The following CEP128 variants were observed in gnomAD, a reference collection of about 807,000 sequenced individuals.
CEP128 encodes the protein centrosomal protein 128kDa.
In CEP128, 132 loss-of-function variants were observed where a neutral mutation model predicts 156.7. The ratio of observed to expected loss-of-function variants is 0.84; its 90% CI spans 0.73 to 0.97. The LOEUF (loss-of-function observed/expected upper bound fraction) is 0.97. CEP128 is among the 50% of genes least tolerant of loss of function. The pLI, the probability that CEP128 is intolerant of heterozygous loss-of-function variation, is 0.00. For synonymous variants in CEP128, 469 were observed against 448.9 expected, an observed-to-expected ratio of 1.04 and a Z score of -0.57; for missense variants, 1,252 against 1,281.9, an observed-to-expected ratio of 0.98 and a Z score of 0.36.
intron 19 of CEP128, among the ~76,000 whole-genome samples, chr14:80,640,465 A>G (rs888542218): frequency 6.6e-6 from 1 of 152,180 alleles, no homozygotes; most frequent in African/African-American, 2.4e-5. Flanking sequence ...AGTCCAATGG[A>G]CATTTTAAAT....
rs982676366 is a variant in CEP128 at position 80,642,814 on chromosome 14, G to A, written c.2807-62391C>T. Among the ~76,000 whole-genome samples, 23 of 151,214 alleles carry A rather than the reference G, an allele frequency of 1.5e-4. No individual in the cohort carries two copies. The East Asian group carries it at 2.7e-3, about 18-fold the overall frequency. Reference sequence around the variant, plus strand: ...TCTGTCACCCAGGCTGGAATGCGGCGGCGCGACCTCAGCTCACTACAACCT... The same window carrying A: ...TCTGTCACCCAGGCTGGAATGCGGCAGCGCGACCTCAGCTCACTACAACCT... On this transcript the variant is annotated intron_variant, in intron 19 of 24. Transcript: ENST00000555265.
chr14:80,905,047 C>G (rs1381341584), intron 5 of CEP128, 116 bp from the exon 6 acceptor site: 7 of 639,580 alleles, frequency 1.1e-5, no homozygotes, highest in Non-Finnish European at 1.7e-5. Flanking sequence ...ATGTCCCTAA[C>G]CCAGACTATT....
At chr14:80,540,833 T>C (rs1889722339) in intron 21 of CEP128, among the ~76,000 whole-genome samples, 1 of 152,104 alleles carries the variant, frequency 6.6e-6, no homozygotes, top group Admixed American at 6.6e-5. Context: ...CATAGAGGTC[T>C]GTGAAAAATT....
intron 19 of CEP128, among the ~76,000 whole-genome samples, chr14:80,659,540 A>C (rs1895311445): frequency 6.6e-6 from 1 of 152,206 alleles, no homozygotes; most frequent in Non-Finnish European, 1.5e-5. Flanking sequence ...AACATGCCTT[A>C]CTGATATCTA....
At chr14:80,942,765 C>G (rs1193795972), upstream of CEP128, among the ~76,000 whole-genome samples, 1 of 151,952 alleles carries the variant, frequency 6.6e-6, no homozygotes, top group Admixed American at 6.6e-5. Flanking sequence ...TGCCCTTCTC[C>G]GTTCATATCC....
intron 8 of CEP128, among the ~76,000 whole-genome samples, chr14:80,864,087 T>G (rs1245343399): frequency 6.6e-6 from 1 of 152,234 alleles, no homozygotes; most frequent in Non-Finnish European, 1.5e-5. Flanking sequence ...GATGATCAAC[T>G]TCCACTTAAT....
chr14:80,950,118 A>C (rs1392948114), intron 2 of CEP128, among the ~76,000 whole-genome samples: 1 of 152,196 alleles, frequency 6.6e-6, no homozygotes, highest in Non-Finnish European at 1.5e-5. Flanking sequence ...ACAGAGACAC[A>C]CAAAGAGAAC....
At chr14:80,620,079 C>T (rs1055140453) in intron 19 of CEP128, among the ~76,000 whole-genome samples, 1 of 151,956 alleles carries the variant, frequency 6.6e-6, no homozygotes, top group Non-Finnish European at 1.5e-5. Context: ...GAGCCGAGAT[C>T]GCACCATTGC....
At chr14:80,683,634 GAAT>G (rs534557313) in intron 19 of CEP128, among the ~76,000 whole-genome samples, 22 of 152,192 alleles carry the variant, frequency 1.4e-4, no homozygotes, top group African/African-American at 4.8e-4. Context: ...GACATCTACA[GAAT>G]AATACACCTA....
At chr14:80,701,182 A>G (rs1192463689) in intron 19 of CEP128, among the ~76,000 whole-genome samples, 1 of 152,122 alleles carries the variant, frequency 6.6e-6, no homozygotes, top group African/African-American at 2.4e-5. Context: ...GCAGGAAGGA[A>G]GAAGACTCAA....
chr14:80,504,498 T>C (rs1191292481), intron 24 of CEP128, among the ~76,000 whole-genome samples: 1 of 152,214 alleles, frequency 6.6e-6, no homozygotes, highest in Non-Finnish European at 1.5e-5. Flanking sequence ...CAGAGTGAAA[T>C]CTAGCAGTAA....
At chr14:80,553,499 G>A (rs370926814) in intron 21 of CEP128, among the ~76,000 whole-genome samples, 2 of 152,094 alleles carry the variant, frequency 1.3e-5, no homozygotes, top group Non-Finnish European at 2.9e-5. Flanking sequence ...TGATTACACT[G>A]ACCGACTTAT....
rs1888663926 is a variant in CEP128 at position 80,883,787 on chromosome 14, A to C, written c.645+11931T>G. The stretch of plus-strand genomic sequence containing the variant: ...AATATTCAAAGCTATCCTGAGCAAA[A>C]AGAACAAAACTGGAGGAACCACATC... On this transcript the variant is annotated intron_variant, in intron 8 of 24. Coordinates refer to ENST00000555265, the MANE Select transcript of CEP128 (RefSeq NM_152446.5). Among the ~76,000 whole-genome samples, 3 of 152,190 alleles carry C rather than the reference A, an allele frequency of 2.0e-5. 1 individual carries two copies. In the South Asian group the frequency reaches 6.2e-4, roughly 32 times the overall value.
At chr14:80,663,670 T>G (rs919780662) in intron 19 of CEP128, among the ~76,000 whole-genome samples, 65 of 152,200 alleles carry the variant, frequency 4.3e-4, no homozygotes, top group African/African-American at 1.5e-3. Flanking sequence ...ACATAGACTA[T>G]TGCACTGAAT....
intron 19 of CEP128, chr14:80,742,744 C>A: frequency 8.0e-6 from 2 of 250,924 alleles, no homozygotes; most frequent in South Asian, 1.1e-4. Context: ...AAAATGGGCA[C>A]AAAATATGTA....
At chr14:80,772,337 G>A (rs1323550094) in intron 16 of CEP128, among the ~76,000 whole-genome samples, 2 of 152,048 alleles carry the variant, frequency 1.3e-5, no homozygotes, top group Non-Finnish European at 1.5e-5. Context: ...TCTGAACATC[G>A]AGAGGAGTTA....
intron 19 of CEP128, among the ~76,000 whole-genome samples, chr14:80,734,342 G>A (rs1246993574): frequency 6.6e-6 from 1 of 152,024 alleles, no homozygotes; most frequent in Non-Finnish European, 1.5e-5. Context: ...TTTTAAGGGA[G>A]GAAGGGGCCC....
chr14:80,591,972 C>T (rs1027553623), intron 19 of CEP128, among the ~76,000 whole-genome samples: 17 of 152,120 alleles, frequency 1.1e-4, no homozygotes, highest in Admixed American at 1.1e-3. Flanking sequence ...AACAAAGACA[C>T]AATATACCAG....
At chr14:80,903,654 G>A (rs4603486) in intron 6 of CEP128, among the ~76,000 whole-genome samples, 73,180 of 147,086 alleles carry the variant, frequency 0.5, 18,089 homozygotes, top group South Asian at 0.57. Context: ...ACTCAATAGC[G>A]AAAAAAAAAA....
Sources: gnomAD v4.1 joint callset for allele counts (sites outside exome capture counted in the v4.1 genomes callset) on GRCh38, gnomAD v4.1.1 for gene constraint, MANE v1.5 for transcripts, NCBI Gene and HGNC (gene_info 2026-07-23, HGNC 2026-07-21) for gene names.